Variants in IL12A observed in about 807,000 individuals in gnomAD.
IL12A encodes the protein interleukin-12 subunit alpha.
A neutral mutation model predicts 23.5 loss-of-function variants in IL12A; 16 were observed. That is an observed-to-expected ratio of 0.68 (90% confidence interval 0.46 to 1.03). IL12A has a LOEUF of 1.03. IL12A is among the 50% of genes least tolerant of loss of function. The pLI, the probability that IL12A is intolerant of heterozygous loss-of-function variation, is 0.00. For synonymous variants in IL12A, 106 were observed against 111.5 expected, an observed-to-expected ratio of 0.95 and a Z score of 0.31; for missense variants, 275 against 307.0, an observed-to-expected ratio of 0.90 and a Z score of 0.78.
intron 2 of IL12A, among the ~76,000 whole-genome samples, chr3:159,992,355 A>G (rs1410771823): frequency 6.6e-6 from 1 of 152,136 alleles, no homozygotes; most frequent in East Asian, 1.9e-4. Flanking sequence ...GAGGGTATAC[A>G]TGGTCCTCTT....
chr3:159,993,585 C>T lies in IL12A; in HGVS notation c.438C>T (p.Ala146=). The T allele has an allele frequency of 6.2e-7, 1 of 1,614,142 alleles. No homozygotes were observed. The highest frequency in any genetic ancestry group is 2.2e-5 in the East Asian group (1 of 44,878). The change falls in exon 5 of 7, where the codon GCC becomes GCT. Residue 146 remains alanine, a synonymous_variant. Coordinates refer to ENST00000305579, the MANE Select transcript of IL12A (RefSeq NM_000882.4). ...TCCTCTAGAATGGGAGTTGCCTGGC[C>T]TCCAGAAAGACCTCTTTTATGATGG...
chr3:159,993,280 A>C (rs901630734), intron 3 of IL12A, 155 bp downstream of exon 3: 2 of 738,886 alleles, frequency 2.7e-6, no homozygotes, highest in Admixed American at 6.0e-5. Context: ...AATTATTTTT[A>C]AAAAATGGTT....
rs144529637 is a variant in IL12A, at chr3:159,989,134, T to C, written c.78T>C (p.Pro26=). 6.2e-7 allele frequency: 1 copy of C among 1,611,970 alleles called. No homozygotes were observed. The highest frequency in any genetic ancestry group is 8.5e-7 in the Non-Finnish European group (1 of 1,179,540). Residue 26 remains proline, a synonymous_variant, in exon 1 of 7, where the codon CCT becomes CCC. Transcript: ENST00000305579. ...CAGGTCTGCATCCAGCGGCTCGCCC[T>C]GTGTCCCTGCAGTGCCGGCTCAGCA...
intron 3 of IL12A, 93 bp from the exon 4 acceptor site, chr3:159,993,358 G>GT: frequency 1.0e-6 from 1 of 956,666 alleles, no homozygotes; most frequent in Non-Finnish European, 1.6e-6. Flanking sequence ...TATGATATGT[G>GT]TTTTTACCAT....
chr3:159,993,628 TC>T lies in IL12A; in HGVS notation c.462+21del, dbSNP rs1386642538. 4 of 1,613,996 alleles carry T rather than the reference TC, an allele frequency of 2.5e-6. No homozygotes were observed. The East Asian group carries it at 8.9e-5, about 36-fold the overall frequency. On this transcript the variant is annotated intron_variant, in intron 5 of 6. Transcript: ENST00000305579. Reference sequence around the variant, plus strand: ...TATGATGGTAAGACACACAGCTCTTTCCTCAAATGCAATGGGGGAAATGTTT... The same window carrying T: ...TATGATGGTAAGACACACAGCTCTTTCTCAAATGCAATGGGGGAAATGTTT...
Position 159,995,470 on chromosome 3 carries a change from A to G in IL12A, c.673A>G (p.Thr225Ala). 1.9e-6 allele frequency: 3 copies of G among 1,607,634 alleles called. No individual in the cohort carries two copies. The highest frequency in any genetic ancestry group is 2.5e-6 in the Non-Finnish European group (3 of 1,177,406). The change falls in exon 7 of 7, where the codon ACT (threonine) becomes GCT (alanine). Residue 225 changes from threonine to alanine, a missense_variant. Physicochemically the swap from Thr to Ala is moderately conservative, Grantham distance 58. Transcript: ENST00000305579. ...CCTTGAAGAACCGGATTTTTATAAA[A>G]CTAAAATCAAGCTCTGCATACTTCT...
intron 2 of IL12A, 23 bp downstream of exon 2, chr3:159,990,335 A>T (rs1577556387): frequency 6.2e-7 from 1 of 1,611,930 alleles, no homozygotes; most frequent in East Asian, 2.2e-5. Context: ...TGTCCTCTCC[A>T]CTGTGGACCT....
In IL12A at chr3:159,993,785, C is replaced by A. The variant is rs1720401375; in HGVS notation, c.547C>A (p.Pro183Thr). 2 of 1,614,082 alleles carry A rather than the reference C, an allele frequency of 1.2e-6. No individual in the cohort carries two copies. The highest frequency in any genetic ancestry group is 4.5e-5 in the East Asian group (2 of 44,892). ...CATGAATGCAAAGCTTCTGATGGAT[C>A]CTAAGAGGCAGATCTTTCTAGATCA... The change falls in exon 6 of 7, where the codon CCT becomes ACT. Residue 183 changes from proline (P) to threonine (T), a missense_variant. By Grantham distance (38) the Pro-to-Thr change is conservative. Coordinates refer to ENST00000305579, the MANE Select transcript of IL12A (RefSeq NM_000882.4).
Position 159,993,489 on chromosome 3 carries a change from A to G in IL12A, c.417A>G (p.Ile139Met). ...TAAATTCCAGAGAGACCTCTTTCATAACTGTAAGTCAAAAAATGAAAAGTT... is the reference window on the plus strand; with the variant it reads ...TAAATTCCAGAGAGACCTCTTTCATGACTGTAAGTCAAAAAATGAAAAGTT... The change falls in exon 4 of 7, where the codon ATA (isoleucine) becomes ATG (methionine). Residue 139 changes from isoleucine to methionine, a missense_variant. By Grantham distance (10) the Ile-to-Met change is conservative. Transcript: ENST00000305579. 1.9e-6 allele frequency: 3 copies of G among 1,613,428 alleles called. No individual in the cohort carries two copies. The highest frequency in any genetic ancestry group is 2.5e-6 in the Non-Finnish European group (3 of 1,179,374).
At chr3:159,994,873 A>G (rs1720443879) in intron 6 of IL12A, among the ~76,000 whole-genome samples, 1 of 152,154 alleles carries the variant, frequency 6.6e-6, no homozygotes, top group Admixed American at 6.5e-5. Context: ...GGAAGATATG[A>G]AAGTATTTAT....
chr3:159,989,267 AG>A lies in IL12A; in HGVS notation c.118+94del, dbSNP rs1720217610. ...GGTAGAAACTCAAGTCTGCCTAAGGAGAGACTGGAACAGCAGCAGCCGTCTC... is the reference window on the plus strand; with the variant it reads ...GGTAGAAACTCAAGTCTGCCTAAGGAAGACTGGAACAGCAGCAGCCGTCTC... On this transcript the variant is annotated intron_variant, in intron 1 of 6. Coordinates refer to ENST00000305579, the MANE Select transcript of IL12A (RefSeq NM_000882.4). 40 of 959,958 alleles carry A rather than the reference AG, an allele frequency of 4.2e-5. No homozygotes were observed. The South Asian group carries it at 5.1e-4, about 12-fold the overall frequency. 59.5% of individuals were successfully genotyped at this position (959,958 alleles called of 1,614,324 possible). A position where few individuals can be genotyped will look rare whatever the true frequency, so the allele number is the denominator to read the frequency against.
rs1460278414 is a variant in IL12A at position 159,993,055 on chromosome 3, T to C, written c.308T>C (p.Ile103Thr). ...TTTTACCCTTGCACTTCTGAAGAGA[T>C]TGATCATGAAGATATCACAAAAGAT... Residue 103 changes from isoleucine to threonine, a missense_variant, in exon 3 of 7, where the codon ATT becomes ACT. Transcript: ENST00000305579. 6.2e-7 allele frequency: 1 copy of C among 1,610,724 alleles called. No homozygotes were observed. Among genetic ancestry groups the C allele is most frequent in the Non-Finnish European group, 8.5e-7 (1 of 1,176,946 alleles).
intron 4 of IL12A, 33 bp downstream of exon 4, chr3:159,993,525 T>A (rs770692194): frequency 2.5e-6 from 4 of 1,614,002 alleles, no homozygotes; most frequent in Admixed American, 3.3e-5. Flanking sequence ...TCAGCCTGTA[T>A]GATGAATTCA....
At chr3:159,992,089 T>G (rs1276382331) in intron 2 of IL12A, among the ~76,000 whole-genome samples, 1 of 152,220 alleles carries the variant, frequency 6.6e-6, no homozygotes, top group Non-Finnish European at 1.5e-5. Flanking sequence ...GAAAGGGATT[T>G]TACTACTTGT....
chr3:159,995,562 A>G lies in IL12A; in HGVS notation c.*3A>G. On this transcript the variant is annotated 3_prime_UTR_variant, in exon 7 of 7. Transcript: ENST00000305579. ...TGAGCTATCTGAATGCTTCCTAAAA[A>G]GCGAGGTCCCTCCAAACCGTTGTCA... 1 of 1,579,774 alleles carries G rather than the reference A, an allele frequency of 6.3e-7. No homozygotes were observed. The highest frequency in any genetic ancestry group is 8.6e-7 in the Non-Finnish European group (1 of 1,166,648).
chr3:159,995,490 ACTT>A lies in IL12A; in HGVS notation c.698_700del (p.Leu233del). On this transcript the variant is annotated inframe_deletion, in exon 7 of 7. Coordinates refer to ENST00000305579, the MANE Select transcript of IL12A (RefSeq NM_000882.4). Reference sequence around the variant, plus strand: ...ATAAAACTAAAATCAAGCTCTGCATACTTCTTCATGCTTTCAGAATTCGGGCAG... The same window carrying A: ...ATAAAACTAAAATCAAGCTCTGCATACTTCATGCTTTCAGAATTCGGGCAG... 1 of 1,609,214 alleles carries A rather than the reference ACTT, an allele frequency of 6.2e-7. No individual in the cohort carries two copies. Among genetic ancestry groups the A allele is most frequent in the Non-Finnish European group, 8.5e-7 (1 of 1,178,034 alleles).
At chr3:159,992,107 CGTATTCT>C (rs1720337012) in intron 2 of IL12A, among the ~76,000 whole-genome samples, 1 of 152,196 alleles carries the variant, frequency 6.6e-6, no homozygotes, top group Admixed American at 6.5e-5. Flanking sequence ...TGTGCCCAAA[CGTATTCT>C]GAATTTTCAG....
In IL12A at chr3:159,993,105, T is replaced by G; in HGVS notation, c.358T>G (p.Leu120Val). ...TAAAACCAGCACAGTGGAGGCCTGT[T>G]TACCATTGGAATTAACCAAGGTATA... Residue 120 changes from leucine to valine, a missense_variant, in exon 3 of 7, where the codon TTA becomes GTA. By Grantham distance (32) the Leu-to-Val change is conservative. Coordinates refer to ENST00000305579, the MANE Select transcript of IL12A (RefSeq NM_000882.4). 1 of 1,586,288 alleles carries G rather than the reference T, an allele frequency of 6.3e-7. No homozygotes were observed. The highest frequency in any genetic ancestry group is 1.1e-5 in the South Asian group (1 of 90,440).
chr3:159,994,579 C>CGTGTGT (rs60659167), intron 6 of IL12A, among the ~76,000 whole-genome samples: 16,144 of 135,498 alleles, frequency 0.12, 970 homozygotes, highest in South Asian at 0.23. Flanking sequence ...TTATTCTTTT[C>CGTGTGT]GTGTGTGTGT....
Sources: gnomAD v4.1 joint callset for allele counts (sites outside exome capture counted in the v4.1 genomes callset) on GRCh38, gnomAD v4.1.1 for gene constraint, MANE v1.5 for transcripts, NCBI Gene and HGNC (gene_info 2026-07-23, HGNC 2026-07-21) for gene names.